ATXN1: variants seen among roughly 807,000 people sequenced by gnomAD.
ATXN1 encodes the protein ataxin 1.
In ATXN1, 8 loss-of-function variants were observed where a neutral mutation model predicts 56.4. The ratio of observed to expected loss-of-function variants is 0.14; its 90% CI spans 0.08 to 0.26. The LOEUF (loss-of-function observed/expected upper bound fraction) is 0.26, where lower values mean the gene tolerates loss of function less well. Ranked by LOEUF, ATXN1 falls within the 10% of genes least tolerant of loss-of-function variation. The pLI, the probability that ATXN1 is intolerant of heterozygous loss-of-function variation, is 1.00. For synonymous variants in ATXN1, 514 were observed against 494.6 expected (o/e 1.04, Z -0.52); for missense variants, 987 against 1,106.5 (o/e 0.89, Z 1.53).
intron 6 of ATXN1, among the ~76,000 whole-genome samples, chr6:16,471,389 G>A (rs1295057759): frequency 2.0e-5 from 3 of 152,302 alleles, no homozygotes; most frequent in East Asian, 3.9e-4. Flanking sequence ...CGAAGTAAAT[G>A]GAGATGCCTT....
chr6:16,691,052 C>T (rs929713557), intron 2 of ATXN1, among the ~76,000 whole-genome samples: 3 of 152,188 alleles, frequency 2.0e-5, no homozygotes, highest in Admixed American at 6.5e-5. Context: ...ACTACTTGTG[C>T]CTTTCATTAC....
intron 4 of ATXN1, among the ~76,000 whole-genome samples, chr6:16,547,026 A>G (rs1341298013): frequency 6.6e-6 from 1 of 152,250 alleles, no homozygotes; most frequent in African/African-American, 2.4e-5. Flanking sequence ...CAGAGAAAGA[A>G]CAGGCAAGCC....
At chr6:16,748,767 T>C (rs1005900658) in intron 2 of ATXN1, among the ~76,000 whole-genome samples, 8 of 152,160 alleles carry the variant, frequency 5.3e-5, no homozygotes, top group Admixed American at 2.6e-4. Context: ...TTCTTGTCTT[T>C]GATGAAAGTT....
intron 2 of ATXN1, among the ~76,000 whole-genome samples, chr6:16,708,362 A>G (rs985789323): frequency 3.9e-5 from 5 of 127,704 alleles, no homozygotes; most frequent in Non-Finnish European, 8.2e-5. Flanking sequence ...TTAGCAATTA[A>G]GGAAAAAAGG....
chr6:16,757,771 C>T (rs6915310), intron 1 of ATXN1, among the ~76,000 whole-genome samples: 28,721 of 147,530 alleles, frequency 0.19, 2,836 homozygotes, highest in East Asian at 0.6. Flanking sequence ...CCGCCCGCCC[C>T]CTGCCCCACT....
chr6:16,371,019 T>G (rs1185950707), intron 6 of ATXN1, among the ~76,000 whole-genome samples: 1 of 152,162 alleles, frequency 6.6e-6, no homozygotes, highest in East Asian at 1.9e-4. Context: ...TCCCTACTAT[T>G]GGGAGCATAG....
rs528355258 is a variant in ATXN1, at chr6:16,529,337, G to A, written c.-360-6649C>T. Among the ~76,000 whole-genome samples, 3 of 151,954 alleles carry A rather than the reference G, an allele frequency of 2.0e-5. No individual in the cohort carries two copies. In the South Asian group the frequency reaches 6.2e-4, roughly 32 times the overall value. On this transcript the variant is annotated intron_variant, in intron 4 of 7. Transcript: ENST00000436367. ...CAAGCGTTCTTCAGGCAGCACAGCGGGACCAAAGTGCTGACAGTGGCAACG... is the reference window on the plus strand; with the variant it reads ...CAAGCGTTCTTCAGGCAGCACAGCGAGACCAAAGTGCTGACAGTGGCAACG...
intron 6 of ATXN1, among the ~76,000 whole-genome samples, chr6:16,368,146 G>T (rs917403112): frequency 8.6e-5 from 13 of 151,660 alleles, no homozygotes; most frequent in South Asian, 8.3e-4. Context: ...CTCCAGCCTG[G>T]GAGACAGAGC....
chr6:16,662,884 T>C (rs1252711707), intron 2 of ATXN1, among the ~76,000 whole-genome samples: 3 of 152,058 alleles, frequency 2.0e-5, no homozygotes, highest in South Asian at 2.1e-4. Context: ...CTTTTTGCAA[T>C]TGTAAAGGGT....
chr6:16,598,764 T>A (rs376955882), intron 3 of ATXN1, among the ~76,000 whole-genome samples: 4 of 152,182 alleles, frequency 2.6e-5, no homozygotes, highest in African/African-American at 9.6e-5. Context: ...ACAGAACCTG[T>A]TTCACAAATG....
At chr6:16,619,593 C>T (rs1763281413) in intron 3 of ATXN1, among the ~76,000 whole-genome samples, 1 of 152,160 alleles carries the variant, frequency 6.6e-6, no homozygotes, top group Admixed American at 6.5e-5. Context: ...TGACTAGAGA[C>T]ACTAAAAATG....
chr6:16,536,667 C>T (rs2113711643), intron 4 of ATXN1, among the ~76,000 whole-genome samples: 1 of 152,252 alleles, frequency 6.6e-6, no homozygotes, highest in South Asian at 2.1e-4. Flanking sequence ...AAACTGCCCC[C>T]CTTAGCAGTG....
At position 16,410,379 on chromosome 6, in the gene ATXN1, A is replaced by AC. The variant is rs1758772359; in HGVS notation, c.-161+75592dup. Among the ~76,000 whole-genome samples the AC allele has an allele frequency of 6.6e-6, 1 of 152,232 alleles. No homozygotes were observed. The highest frequency in any genetic ancestry group is 2.1e-4 in the South Asian group (1 of 4,828). On this transcript the variant is annotated intron_variant, in intron 6 of 7. Coordinates refer to ENST00000436367, the MANE Select transcript of ATXN1 (RefSeq NM_001128164.2). This position sits in a 1 kb window ranked among gnomAD's most constrained non-coding sequence, Gnocchi z 4.6. ...TATGGAGGCAGAGAACCTGAAATGA[A>AC]CAGTGAAGACTAAATCTGACTTACA...
At chr6:16,648,496 T>C (rs1444867467) in intron 3 of ATXN1, among the ~76,000 whole-genome samples, 1 of 152,148 alleles carries the variant, frequency 6.6e-6, no homozygotes, top group Non-Finnish European at 1.5e-5. Context: ...CCAAAAAAGT[T>C]TGCAACCCCA....
chr6:16,542,489 C>T lies in ATXN1; in HGVS notation c.-360-19801G>A, dbSNP rs73368728. On this transcript the variant is annotated intron_variant, in intron 4 of 7. Transcript: ENST00000436367. The stretch of plus-strand genomic sequence containing the variant: ...GTGCTCCCGGAGCCCTTCCCTGGCT[C>T]GTCCCAAGGATCAGCAAACACACGG... 6.5e-3 allele frequency among the ~76,000 whole-genome samples: 990 copies of T among 152,272 alleles called. 9 individuals are homozygous for T. Among genetic ancestry groups the T allele is most frequent in the African/African-American group, 0.023 (942 of 41,546 alleles).
Position 16,324,823 on chromosome 6 carries a change from A to G in ATXN1, c.1917+1571T>C, listed in dbSNP as rs561137872. Reference sequence around the variant, plus strand: ...ATACTTCCAGTGACTCATCTTGGCTACAGCTGACTTTACCCCAAGCCCAGC... The same window carrying G: ...ATACTTCCAGTGACTCATCTTGGCTGCAGCTGACTTTACCCCAAGCCCAGC... On this transcript the variant is annotated intron_variant, in intron 7 of 7. Transcript: ENST00000436367. Among the ~76,000 whole-genome samples the G allele has an allele frequency of 4.6e-5, 7 of 152,348 alleles. No individual in the cohort carries two copies. The South Asian group carries it at 1.4e-3, about 32-fold the overall frequency.
intron 6 of ATXN1, among the ~76,000 whole-genome samples, chr6:16,370,928 T>C (rs1011801211): frequency 6.6e-6 from 1 of 152,198 alleles, no homozygotes; most frequent in South Asian, 2.1e-4. Flanking sequence ...TATTAATCAG[T>C]GAGCAAATAT....
chr6:16,514,932 G>A (rs889806804), intron 5 of ATXN1, among the ~76,000 whole-genome samples: 6 of 151,668 alleles, frequency 4.0e-5, no homozygotes, highest in Non-Finnish European at 7.4e-5. Context: ...GCAGTGAGCC[G>A]AGATCACGCC....
chr6:16,367,852 G>A (rs754892448), intron 6 of ATXN1, among the ~76,000 whole-genome samples: 4 of 152,086 alleles, frequency 2.6e-5, no homozygotes, highest in Non-Finnish European at 4.4e-5. Context: ...TAGGTCCTTC[G>A]TCTCTTCCTC....
Sources: allele counts gnomAD v4.1 joint callset (sites outside exome capture counted in the v4.1 genomes callset), GRCh38; gene constraint gnomAD v4.1.1; non-coding constraint Gnocchi (gnomAD v3.1); transcripts MANE v1.5; gene names NCBI Gene and HGNC (gene_info 2026-07-23, HGNC 2026-07-21).